Variants in TENM3 observed in about 807,000 individuals in gnomAD.
TENM3 encodes teneurin-3.
Under a neutral mutation model 255.1 loss-of-function variants are expected in TENM3, and 63 were observed. The observed-to-expected ratio is 0.25, with a 90% CI of 0.20 to 0.30. The LOEUF is 0.30. Among genes scored for constraint, TENM3 ranks in the 10% least tolerant of loss-of-function variants. The probability of loss-of-function intolerance (pLI) is 1.00; values close to 1 mark genes in which losing one functional copy is unlikely to be tolerated. For missense variants in TENM3, 2,929 were observed against 3,461.1 expected (o/e 0.85, Z 3.86); for synonymous variants, 1,306 against 1,322.3 (o/e 0.99, Z 0.27).
chr4:182,722,669 C>T (rs184896888), intron 13 of TENM3, among the ~76,000 whole-genome samples: 32 of 152,244 alleles, frequency 2.1e-4, no homozygotes, highest in Admixed American at 2.1e-3. Context: ...GTAAAGGAAG[C>T]ATTTTAGCCA....
At chr4:181,786,198 G>A in the TENM3 span, among the ~76,000 whole-genome samples, 8 of 152,194 alleles carry the variant, frequency 5.3e-5, no homozygotes, top group East Asian at 1.9e-4. Flanking sequence ...AGTTACCTAC[G>A]CAAATGTGAC....
chr4:181,648,902 T>C, the TENM3 span, among the ~76,000 whole-genome samples: 1 of 152,244 alleles, frequency 6.6e-6, no homozygotes, highest in Admixed American at 6.5e-5. Context: ...TGAGAGGCCG[T>C]AATCAAGGAC....
intron 6 of TENM3, among the ~76,000 whole-genome samples, chr4:182,668,172 G>A (rs557678622): frequency 3.3e-5 from 5 of 152,056 alleles, no homozygotes; most frequent in African/African-American, 1.2e-4. Context: ...CCTACCTTGG[G>A]TTTATGGTGT....
chr4:182,178,338 A>G (rs1265018179), intron 1 of TENM3, among the ~76,000 whole-genome samples: 1 of 152,146 alleles, frequency 6.6e-6, no homozygotes, highest in Non-Finnish European at 1.5e-5. Flanking sequence ...GAACTTTCCT[A>G]ATAAATTTTA....
chr4:182,549,522 G>T (rs1286959617), intron 3 of TENM3, among the ~76,000 whole-genome samples: 1 of 152,186 alleles, frequency 6.6e-6, no homozygotes, highest in African/African-American at 2.4e-5. Flanking sequence ...TGTTCTTGTA[G>T]AGAGTTGGAA....
chr4:182,522,689 T>C (rs1371842778), intron 3 of TENM3, among the ~76,000 whole-genome samples: 1 of 152,268 alleles, frequency 6.6e-6, no homozygotes, highest in East Asian at 1.9e-4. Flanking sequence ...TATACCACAT[T>C]GTCTTTATCC....
the TENM3 span, among the ~76,000 whole-genome samples, chr4:182,121,466 T>C: frequency 6.6e-6 from 1 of 152,174 alleles, no homozygotes; most frequent in Non-Finnish European, 1.5e-5. Flanking sequence ...TAGGTTAGAC[T>C]CTGGATATGC....
the TENM3 span, among the ~76,000 whole-genome samples, chr4:181,863,173 A>T: frequency 6.6e-6 from 1 of 152,192 alleles, no homozygotes; most frequent in Non-Finnish European, 1.5e-5. Flanking sequence ...TTAACAGTTC[A>T]GTGAATATAT....
chr4:182,478,689 A>G (rs1733911511), intron 3 of TENM3, among the ~76,000 whole-genome samples: 1 of 152,062 alleles, frequency 6.6e-6, no homozygotes, highest in Non-Finnish European at 1.5e-5. Context: ...TAGAATATCA[A>G]CCCTGGAAAG....
At chr4:181,850,538 C>A in the TENM3 span, among the ~76,000 whole-genome samples, 1 of 151,992 alleles carries the variant, frequency 6.6e-6, no homozygotes, top group African/African-American at 2.4e-5. Flanking sequence ...TACAGTAGTA[C>A]TTGTTATATC....
At chr4:182,032,092 A>C in the TENM3 span, among the ~76,000 whole-genome samples, 1 of 152,084 alleles carries the variant, frequency 6.6e-6, no homozygotes, top group Non-Finnish European at 1.5e-5. Context: ...TACTATGTTG[A>C]ATAGGAGTGG....
At chr4:181,836,378 A>C in the TENM3 span, among the ~76,000 whole-genome samples, 1 of 152,214 alleles carries the variant, frequency 6.6e-6, no homozygotes, top group Non-Finnish European at 1.5e-5. Flanking sequence ...GGCCTTGTGT[A>C]ATGCATCACA....
At chr4:182,744,092 T>G (rs1236427645) in intron 19 of TENM3, 1 of 817,892 alleles carries the variant, frequency 1.2e-6, no homozygotes, top group Non-Finnish European at 1.5e-6. Context: ...AACTGTGCTT[T>G]CTTTTTTTTT....
chr4:182,225,215 T>C (rs1756076711), intron 1 of TENM3, among the ~76,000 whole-genome samples: 1 of 152,180 alleles, frequency 6.6e-6, no homozygotes, highest in Non-Finnish European at 1.5e-5. Flanking sequence ...GAGTACTCAA[T>C]ATACGGCAGC....
intron 1 of TENM3, among the ~76,000 whole-genome samples, chr4:182,160,332 TA>T (rs1751056252): frequency 6.6e-6 from 1 of 152,100 alleles, no homozygotes; most frequent in African/African-American, 2.4e-5. Flanking sequence ...AAAATGAAAA[TA>T]AATGGTTACC....
At chr4:182,092,836 C>A in the TENM3 span, among the ~76,000 whole-genome samples, 54,079 of 151,616 alleles carry the variant, frequency 0.36, 9,650 homozygotes, top group East Asian at 0.48. Flanking sequence ...AGGTAGAAAT[C>A]CTCTTATCTA....
chr4:181,783,202 T>C, the TENM3 span, among the ~76,000 whole-genome samples: 3 of 152,186 alleles, frequency 2.0e-5, no homozygotes, highest in Non-Finnish European at 4.4e-5. Flanking sequence ...CGTTGATCTG[T>C]CTAATGTTGA....
At chr4:181,913,767 CAT>C in the TENM3 span, among the ~76,000 whole-genome samples, 7 of 152,164 alleles carry the variant, frequency 4.6e-5, no homozygotes, top group African/African-American at 1.7e-4. Flanking sequence ...AACATACTGA[CAT>C]ATTGGTTCTT....
At chr4:181,456,061 A>G in the TENM3 span, among the ~76,000 whole-genome samples, 3 of 151,716 alleles carry the variant, frequency 2.0e-5, no homozygotes, top group East Asian at 5.8e-4. Context: ...CATTGTAAAA[A>G]TATGATATTG....
Sources: allele counts gnomAD v4.1 joint callset (sites outside exome capture counted in the v4.1 genomes callset), GRCh38; gene constraint gnomAD v4.1.1; transcripts MANE v1.5; gene names NCBI Gene and HGNC (gene_info 2026-07-23, HGNC 2026-07-21).